The following SLC39A11 variants were observed in gnomAD, a reference collection of about 807,000 sequenced individuals.
SLC39A11 encodes solute carrier family 39 member 11, also known as zinc transporter ZIP11.
Under a neutral mutation model 36.1 loss-of-function variants are expected in SLC39A11, and 33 were observed. That is an observed-to-expected ratio of 0.91 (90% confidence interval 0.69 to 1.22). The LOEUF (loss-of-function observed/expected upper bound fraction) is 1.22. Among genes scored for constraint, SLC39A11 ranks in the 50% most tolerant of loss-of-function variants. SLC39A11 has a pLI of 0.00. For synonymous variants in SLC39A11, 166 were observed against 170.3 expected (o/e 0.97, Z 0.20); for missense variants, 432 against 430.3 (o/e 1.00, Z -0.03).
intron 7 of SLC39A11, among the ~76,000 whole-genome samples, chr17:72,662,934 C>CA (rs2070542731): frequency 6.6e-6 from 1 of 152,194 alleles, no homozygotes; most frequent in African/African-American, 2.4e-5. Context: ...CCCTCTACAA[C>CA]AGAATGAGTA....
Position 72,849,755 on chromosome 17 carries a change from A to G in SLC39A11, c.480T>C (p.Thr160=). The G allele has an allele frequency of 6.2e-7, 1 of 1,605,084 alleles. No homozygotes were observed. The highest frequency in any genetic ancestry group is 8.5e-7 in the Non-Finnish European group (1 of 1,177,210). The change falls in exon 6 of 10, where the codon ACT becomes ACC. Residue 160 remains threonine, a synonymous_variant. Coordinates refer to ENST00000255559, the MANE Select transcript of SLC39A11 (RefSeq NM_139177.4). The part of the protein sequence containing the change: ...EAYQRKKAAA[T]GLPEGPAVPV... ...GGACAGCAGGACCCTCTGGAAGGCC[A>G]GTGGCTGCCGCCTTCTTTCTCTGAT... is the stretch of plus-strand genomic sequence containing the variant.
chr17:72,967,412 G>T (rs934987100), intron 4 of SLC39A11, among the ~76,000 whole-genome samples: 2 of 151,968 alleles, frequency 1.3e-5, no homozygotes, highest in South Asian at 4.2e-4. Context: ...GTGTGTGTGT[G>T]TGTGTTTTCC....
intron 7 of SLC39A11, among the ~76,000 whole-genome samples, chr17:72,729,674 C>T (rs191588346): frequency 1.3e-5 from 2 of 150,524 alleles, no homozygotes; most frequent in Admixed American, 1.3e-4. Flanking sequence ...TCCACCAGCC[C>T]TGAAAAAACC....
At chr17:72,651,481 G>T (rs892315032) in intron 7 of SLC39A11, among the ~76,000 whole-genome samples, 1 of 152,180 alleles carries the variant, frequency 6.6e-6, no homozygotes, top group Admixed American at 6.6e-5. Flanking sequence ...GAGGAGATCC[G>T]GAGCAACACA....
In SLC39A11 at chr17:72,754,020, GTATATATATATATA is replaced by G. The variant is rs58028460; in HGVS notation, c.602-17315_602-17302del. Among the ~76,000 whole-genome samples, 23 of 108,350 alleles carry G rather than the reference GTATATATATATATA, an allele frequency of 2.1e-4. No homozygotes were observed. In the East Asian group the frequency reaches 2.4e-3, roughly 11 times the overall value. The allele number at this position is 108,350 out of a possible 152,430, so 71.1% of individuals were successfully genotyped here. A position where few individuals can be genotyped will look rare whatever the true frequency, so the allele number is the denominator to read the frequency against. On this transcript the variant is annotated intron_variant, in intron 6 of 9. Transcript: ENST00000255559. ...TAAAGAAACTGTGATATGTATATAT[GTATATATATATATA>G]TATATATATATACACATACACACAC...
At position 73,083,015 on chromosome 17, in the gene SLC39A11, C is replaced by CAAAAAAAAA. The variant is rs34607510; in HGVS notation, c.147+1784_147+1792dup. Among the ~76,000 whole-genome samples, 3 of 89,782 alleles carry CAAAAAAAAA rather than the reference C, an allele frequency of 3.3e-5. 1 individual carries two copies. Among genetic ancestry groups the CAAAAAAAAA allele is most frequent in the African/African-American group, 1.4e-4 (3 of 22,198 alleles). 58.9% of individuals were successfully genotyped at this position (89,782 alleles called of 152,430 possible). On this transcript the variant is annotated intron_variant, in intron 3 of 9. Coordinates refer to ENST00000255559, the MANE Select transcript of SLC39A11 (RefSeq NM_139177.4). ...TGGACAACAGAGGGAGACTCCATTT[C>CAAAAAAAAA]AAAAAAAAAAAAAAAAAAAATGGAC...
chr17:73,039,606 A>T (rs1393606766), intron 3 of SLC39A11, among the ~76,000 whole-genome samples: 2 of 152,186 alleles, frequency 1.3e-5, no homozygotes, highest in African/African-American at 4.8e-5. Flanking sequence ...TTAGCTTCCA[A>T]ATTAAGTATT....
At chr17:72,728,972 G>C (rs1262476199) in intron 7 of SLC39A11, among the ~76,000 whole-genome samples, 1 of 152,126 alleles carries the variant, frequency 6.6e-6, no homozygotes, top group East Asian at 1.9e-4. Flanking sequence ...TCATTCTCAT[G>C]GTCATCACAA....
chr17:73,022,689 G>T (rs751530792), intron 4 of SLC39A11, among the ~76,000 whole-genome samples: 12 of 150,560 alleles, frequency 8.0e-5, no homozygotes, highest in Non-Finnish European at 1.0e-4. Context: ...ATGCCAGCAG[G>T]ACCCAAAACA....
rs2059670716 is a variant in SLC39A11, at chr17:73,056,366, A to ATT, written c.148-24653_148-24652insAA. Among the ~76,000 whole-genome samples, 17 of 152,046 alleles carry ATT rather than the reference A, an allele frequency of 1.1e-4. 1 individual carries two copies. The highest frequency in any genetic ancestry group is 8.5e-4 in the Admixed American group (13 of 15,270). On this transcript the variant is annotated intron_variant, in intron 3 of 9. Transcript: ENST00000255559. ...GTATTTTTAGTGGAGACGGGGTTTC[A>ATT]CCATGTTGGCCAGGCTGGTCTGGAA...
chr17:72,700,532 A>G (rs900966111), intron 7 of SLC39A11, among the ~76,000 whole-genome samples: 12 of 152,264 alleles, frequency 7.9e-5, no homozygotes, highest in Non-Finnish European at 1.3e-4. Flanking sequence ...AGGAGTCAGA[A>G]TGCACAGCCC....
At chr17:72,999,063 G>A (rs891776222) in intron 4 of SLC39A11, among the ~76,000 whole-genome samples, 7 of 152,142 alleles carry the variant, frequency 4.6e-5, no homozygotes, top group African/African-American at 1.7e-4. Context: ...ATTCCAAGAG[G>A]GCAACAGGTC....
intron 6 of SLC39A11, among the ~76,000 whole-genome samples, chr17:72,799,220 A>T (rs906479396): frequency 4.6e-5 from 7 of 152,174 alleles, no homozygotes; most frequent in African/African-American, 1.7e-4. Context: ...ATAATTTCTT[A>T]TGCCTGTCTT....
intron 5 of SLC39A11, among the ~76,000 whole-genome samples, chr17:72,892,493 A>G (rs569970565): frequency 6.6e-6 from 1 of 152,180 alleles, no homozygotes; most frequent in Non-Finnish European, 1.5e-5. Context: ...GTCTTAGAAA[A>G]AAAAGATAAT....
chr17:72,834,636 T>A (rs1010494431), intron 6 of SLC39A11, among the ~76,000 whole-genome samples: 48 of 145,238 alleles, frequency 3.3e-4, no homozygotes, highest in African/African-American at 1.3e-3. Flanking sequence ...AACAAAACAA[T>A]AAAATAAAAT....
chr17:72,835,633 G>T (rs779207646), intron 6 of SLC39A11, among the ~76,000 whole-genome samples: 4 of 152,112 alleles, frequency 2.6e-5, no homozygotes, highest in Admixed American at 2.0e-4. Flanking sequence ...GCTAATTTTT[G>T]TATTTTTTGT....
At chr17:72,723,363 A>T (rs2073789379) in intron 7 of SLC39A11, among the ~76,000 whole-genome samples, 1 of 138,408 alleles carries the variant, frequency 7.2e-6, no homozygotes, top group African/African-American at 3.2e-5. Context: ...TTTGCAGCCT[A>T]GCTGTCAGGA....
intron 6 of SLC39A11, among the ~76,000 whole-genome samples, chr17:72,833,406 T>C (rs143114350): frequency 1.3e-5 from 2 of 152,342 alleles, no homozygotes; most frequent in Non-Finnish European, 2.9e-5. Flanking sequence ...CTGTGCTTCC[T>C]AGCAGCCAAA....
intron 5 of SLC39A11, among the ~76,000 whole-genome samples, chr17:72,914,323 A>G (rs1003201193): frequency 6.6e-6 from 1 of 151,416 alleles, no homozygotes; most frequent in East Asian, 1.9e-4. Context: ...CTCGGGGGAA[A>G]AAAAAAAGAA....
Sources: gnomAD v4.1 joint callset for allele counts (sites outside exome capture counted in the v4.1 genomes callset) on GRCh38, gnomAD v4.1.1 for gene constraint, MANE v1.5 for transcripts, NCBI Gene and HGNC (gene_info 2026-07-23, HGNC 2026-07-21) for gene names.